EXOC6B: variants seen among roughly 807,000 people sequenced by gnomAD.
The protein encoded by EXOC6B is exocyst complex component 6B, also known as SEC15 homolog B.
Under a neutral mutation model 113.5 loss-of-function variants are expected in EXOC6B, and 54 were observed. That is an observed-to-expected ratio of 0.48 (90% confidence interval 0.38 to 0.60). The LOEUF is 0.60. Among genes scored for constraint, EXOC6B ranks in the 20% least tolerant of loss-of-function variants. EXOC6B has a pLI of 0.00. For missense variants in EXOC6B, 797 were observed against 977.5 expected (o/e 0.82, Z 2.46); for synonymous variants, 357 against 339.0 (o/e 1.05, Z -0.58).
intron 6 of EXOC6B, among the ~76,000 whole-genome samples, chr2:72,620,931 C>T (rs1045455254): frequency 7.2e-5 from 11 of 151,756 alleles, no homozygotes; most frequent in Non-Finnish European, 1.3e-4. Context: ...ATCCGAGAAA[C>T]GCAAATCAAA....
chr2:72,480,400 G>T (rs1400508001), intron 17 of EXOC6B, among the ~76,000 whole-genome samples: 1 of 152,178 alleles, frequency 6.6e-6, no homozygotes, highest in Non-Finnish European at 1.5e-5. Context: ...CACAGTTGTA[G>T]TTGTTTCATT....
intron 3 of EXOC6B, among the ~76,000 whole-genome samples, chr2:72,731,615 C>T (rs1409909477): frequency 6.6e-6 from 1 of 152,162 alleles, no homozygotes; most frequent in African/African-American, 2.4e-5. Context: ...CTTTTATTCC[C>T]CTAGCCCCAG....
At chr2:72,440,899 G>A (rs150448943) in intron 18 of EXOC6B, among the ~76,000 whole-genome samples, 31 of 151,750 alleles carry the variant, frequency 2.0e-4, no homozygotes, top group African/African-American at 6.5e-4. Flanking sequence ...TGACAAAACA[G>A]ACTTTAAAAC....
chr2:72,680,824 C>G (rs997333571), intron 6 of EXOC6B, among the ~76,000 whole-genome samples: 5 of 152,080 alleles, frequency 3.3e-5, no homozygotes, highest in Admixed American at 1.3e-4. Context: ...TTTCCATCCC[C>G]ATTTCACCAC....
At chr2:72,476,403 T>C (rs1473399575) in intron 17 of EXOC6B, among the ~76,000 whole-genome samples, 1 of 152,192 alleles carries the variant, frequency 6.6e-6, no homozygotes, top group Non-Finnish European at 1.5e-5. Context: ...ACTCATTATG[T>C]TGGTTCTTCT....
intron 8 of EXOC6B, among the ~76,000 whole-genome samples, chr2:72,528,096 A>G (rs1329191264): frequency 6.6e-6 from 1 of 152,002 alleles, no homozygotes; most frequent in Non-Finnish European, 1.5e-5. Flanking sequence ...GAAAGTTAGT[A>G]CTTTTAGAGG....
intron 1 of EXOC6B, among the ~76,000 whole-genome samples, chr2:72,765,997 C>T (rs1683038789): frequency 6.6e-6 from 1 of 152,136 alleles, no homozygotes; most frequent in African/African-American, 2.4e-5. Flanking sequence ...ATTATTTTCT[C>T]AACACATTTG....
intron 6 of EXOC6B, among the ~76,000 whole-genome samples, chr2:72,604,026 G>C (rs963273070): frequency 6.6e-6 from 1 of 151,780 alleles, no homozygotes; most frequent in South Asian, 2.1e-4. Context: ...GTTCCATAAA[G>C]ATCATTTCTA....
intron 18 of EXOC6B, among the ~76,000 whole-genome samples, chr2:72,402,606 T>C (rs1008011122): frequency 6.6e-6 from 1 of 152,204 alleles, no homozygotes; most frequent in Admixed American, 6.5e-5. Flanking sequence ...GAGGAAACAT[T>C]TTGCCAGACA....
At chr2:72,334,832 C>T (rs1688596382) in intron 20 of EXOC6B, 115 bp downstream of exon 20, 1 of 876,396 alleles carries the variant, frequency 1.1e-6, no homozygotes, top group Non-Finnish European at 1.8e-6. Context: ...ACCCTTAGGT[C>T]TCCAATGTGA....
chr2:72,658,382 C>G (rs1558889642), intron 6 of EXOC6B, among the ~76,000 whole-genome samples: 1 of 148,078 alleles, frequency 6.8e-6, no homozygotes, highest in Non-Finnish European at 1.5e-5. Flanking sequence ...AAATACTTTT[C>G]TTAATGTTAA....
At chr2:72,261,228 T>C (rs1215219360) in intron 20 of EXOC6B, among the ~76,000 whole-genome samples, 1 of 152,222 alleles carries the variant, frequency 6.6e-6, no homozygotes, top group Non-Finnish European at 1.5e-5. Context: ...CAGATGTGCT[T>C]GGAGGGAGGC....
chr2:72,202,260 A>G lies in EXOC6B; in HGVS notation c.2197-18073T>C, dbSNP rs118003063. 1.2e-4 allele frequency among the ~76,000 whole-genome samples: 19 copies of G among 152,360 alleles called. 1 individual carries two copies. In the East Asian group the frequency reaches 3.5e-3, roughly 28 times the overall value. Reference sequence around the variant, plus strand: ...GTAAGTGAAAGCACTTGAAAACTTCATCTTGTTATTATAGTTAACAACACC... The same window carrying G: ...GTAAGTGAAAGCACTTGAAAACTTCGTCTTGTTATTATAGTTAACAACACC... On this transcript the variant is annotated intron_variant, in intron 20 of 21. Transcript: ENST00000272427.
intron 20 of EXOC6B, among the ~76,000 whole-genome samples, chr2:72,259,095 G>T (rs1343276531): frequency 1.3e-5 from 2 of 152,120 alleles, no homozygotes; most frequent in Non-Finnish European, 2.9e-5. Context: ...TAGGTATACA[G>T]TTTAGGTGTG....
chr2:72,441,208 T>A (rs1696179712), intron 18 of EXOC6B, among the ~76,000 whole-genome samples: 1 of 151,962 alleles, frequency 6.6e-6, no homozygotes, highest in Admixed American at 6.6e-5. Flanking sequence ...ACTATAAAAA[T>A]ACAACACACC....
At chr2:72,507,702 GA>G (rs1172575641) in intron 11 of EXOC6B, among the ~76,000 whole-genome samples, 3 of 151,874 alleles carry the variant, frequency 2.0e-5, no homozygotes, top group African/African-American at 7.3e-5. Context: ...TTTTTAAAAA[GA>G]AGGTATTTTG....
rs533246615 is a variant in EXOC6B at position 72,492,528 on chromosome 2, T to C, written c.1554-99A>G. On this transcript the variant is annotated intron_variant, in intron 15 of 21. Transcript: ENST00000272427. ...ATTCGTGGTAATAATAATAAAATAATAATAGCAGCAGCAAATAATACTTAT... is the reference window on the plus strand; with the variant it reads ...ATTCGTGGTAATAATAATAAAATAACAATAGCAGCAGCAAATAATACTTAT... 2.0e-5 allele frequency: 13 copies of C among 652,092 alleles called. No individual in the cohort carries two copies. In the Admixed American group the frequency reaches 2.9e-4, roughly 14 times the overall value. 40.4% of individuals were successfully genotyped at this position (652,092 alleles called of 1,614,324 possible).
intron 1 of EXOC6B, among the ~76,000 whole-genome samples, chr2:72,776,370 A>G (rs1206958745): frequency 6.6e-6 from 1 of 152,198 alleles, no homozygotes; most frequent in Non-Finnish European, 1.5e-5. Context: ...TAATCCCAGC[A>G]CTTTGGGAGG....
chr2:72,444,792 C>T (rs975814663), intron 18 of EXOC6B, among the ~76,000 whole-genome samples: 2 of 152,202 alleles, frequency 1.3e-5, no homozygotes, highest in Non-Finnish European at 2.9e-5. Flanking sequence ...AGCACAGGGA[C>T]CTTGGGCCCA....
Sources: allele counts gnomAD v4.1 joint callset (sites outside exome capture counted in the v4.1 genomes callset), GRCh38; gene constraint gnomAD v4.1.1; transcripts MANE v1.5; gene names NCBI Gene and HGNC (gene_info 2026-07-23, HGNC 2026-07-21).